The following PRH1 variants were observed in gnomAD, a reference collection of about 807,000 sequenced individuals.
The protein encoded by PRH1 is proline rich protein HaeIII subfamily 1.
In PRH1, 7 loss-of-function variants were observed where a neutral mutation model predicts 7.9. The observed-to-expected ratio is 0.89, with a 90% CI of 0.50 to 1.67. The LOEUF (loss-of-function observed/expected upper bound fraction) is 1.67, where lower values mean the gene tolerates loss of function less well. Ranked by LOEUF, PRH1 falls within the 40% of genes most tolerant of loss-of-function variation. The pLI, the probability that PRH1 is intolerant of heterozygous loss-of-function variation, is 0.00. For synonymous variants in PRH1, 45 were observed against 80.8 expected, an observed-to-expected ratio of 0.56 and a Z score of 2.38; for missense variants, 109 against 223.6, an observed-to-expected ratio of 0.49 and a Z score of 3.27.
At chr12:10,887,394 T>C (rs1949508080), upstream of PRH1, among the ~76,000 whole-genome samples, 1 of 152,194 alleles carries the variant, frequency 6.6e-6, no homozygotes. Context: ...GACTTCAACT[T>C]GCTTTGACTT....
exon 2 of PRH1, chr12:10,973,706 T>A: frequency 1.3e-6 from 1 of 780,184 alleles, no homozygotes; most frequent in South Asian, 1.3e-5. Flanking sequence ...GCAGGCAAAA[T>A]ATTCTTCTGC....
chr12:10,929,630 T>G (rs544818903), intron 2 of PRH1, among the ~76,000 whole-genome samples: 33 of 152,070 alleles, frequency 2.2e-4, no homozygotes, highest in Non-Finnish European at 4.0e-4. Context: ...GCAAGACAGA[T>G]TCAGGGAAGT....
At chr12:11,104,453 T>TGA (rs1945352049) in intron 1 of PRH1, among the ~76,000 whole-genome samples, 1 of 143,758 alleles carries the variant, frequency 7.0e-6, no homozygotes, top group African/African-American at 2.5e-5. Flanking sequence ...CTCTCACATC[T>TGA]GTATTATTAT....
chr12:11,113,911 C>T (rs1040993042), intron 1 of PRH1, among the ~76,000 whole-genome samples: 4 of 152,114 alleles, frequency 2.6e-5, no homozygotes, highest in Non-Finnish European at 5.9e-5. Flanking sequence ...AAGAAAGAAG[C>T]TCATCATCAC....
intron 1 of PRH1, among the ~76,000 whole-genome samples, chr12:11,099,398 A>G (rs1278960662): frequency 6.6e-6 from 1 of 152,184 alleles, no homozygotes; most frequent in East Asian, 1.9e-4. Flanking sequence ...GCCCATCTCA[A>G]ATCACCAGAG....
chr12:11,021,063 T>C (rs72475478), intron 1 of PRH1, among the ~76,000 whole-genome samples: 1 of 121,950 alleles, frequency 8.2e-6, no homozygotes, highest in East Asian at 2.9e-4. Context: ...TCTTTAGTAC[T>C]GTTTTGGTAT....
chr12:10,971,580 C>T (rs749894261), intron 2 of PRH1, among the ~76,000 whole-genome samples: 1 of 152,086 alleles, frequency 6.6e-6, no homozygotes, highest in Admixed American at 6.6e-5. Flanking sequence ...TGTGTGTATA[C>T]ATTTTCTGGT....
chr12:10,935,829 T>C (rs1372408094), intron 2 of PRH1, among the ~76,000 whole-genome samples: 1 of 152,168 alleles, frequency 6.6e-6, no homozygotes, highest in Non-Finnish European at 1.5e-5. Context: ...TCCTCGAATT[T>C]GGAGGGATCC....
chr12:11,112,173 C>T (rs1483872461), intron 1 of PRH1, among the ~76,000 whole-genome samples: 1 of 151,952 alleles, frequency 6.6e-6, no homozygotes, highest in Non-Finnish European at 1.5e-5. Context: ...AGCCTAGCAA[C>T]CAAAAAAAGT....
intron 1 of PRH1, among the ~76,000 whole-genome samples, chr12:11,007,382 G>T (rs1366314090): frequency 6.6e-6 from 1 of 152,058 alleles, no homozygotes; most frequent in Non-Finnish European, 1.5e-5. Flanking sequence ...TTTCCAGAAG[G>T]TCATCCAGGT....
chr12:11,053,312 G>A (rs892408262), intron 1 of PRH1, among the ~76,000 whole-genome samples: 1 of 152,152 alleles, frequency 6.6e-6, no homozygotes, highest in Non-Finnish European at 1.5e-5. Flanking sequence ...AAGATGTGGG[G>A]GAGAGCTTAC....
intron 2 of PRH1, among the ~76,000 whole-genome samples, chr12:10,916,448 C>T (rs1488981548): frequency 3.3e-5 from 5 of 151,846 alleles, no homozygotes; most frequent in Non-Finnish European, 7.4e-5. Context: ...AAAATTACAT[C>T]TTTTTTAATG....
At chr12:11,158,114 T>C (rs996005538) in intron 1 of PRH1, among the ~76,000 whole-genome samples, 7 of 152,220 alleles carry the variant, frequency 4.6e-5, no homozygotes, top group Non-Finnish European at 7.4e-5. Context: ...TGGTAAAAGT[T>C]ACCTCAAACA....
chr12:11,121,718 G>A (rs183288273), intron 1 of PRH1, among the ~76,000 whole-genome samples: 5 of 151,846 alleles, frequency 3.3e-5, no homozygotes, highest in Admixed American at 3.3e-4. Flanking sequence ...CTCTACGTAT[G>A]TTTGTCACTC....
chr12:10,931,305 C>G, intron 2 of PRH1: 3 of 960,328 alleles, frequency 3.1e-6, no homozygotes, highest in Non-Finnish European at 4.5e-6. Flanking sequence ...AATTACCTCT[C>G]TTAAATAGGG....
intron 1 of PRH1, among the ~76,000 whole-genome samples, chr12:11,142,065 T>A (rs1257605573): frequency 6.6e-6 from 1 of 152,132 alleles, no homozygotes; most frequent in African/African-American, 2.4e-5. Context: ...AGTGCTTGGA[T>A]ACAGGCATGA....
chr12:10,978,181 A>G (rs1939196508), intron 1 of PRH1, among the ~76,000 whole-genome samples: 1 of 152,212 alleles, frequency 6.6e-6, no homozygotes, highest in Non-Finnish European at 1.5e-5. Flanking sequence ...GCAAGGCAAC[A>G]GTAACCAAAG....
chr12:11,017,533 G>A (rs1009835286), intron 1 of PRH1, among the ~76,000 whole-genome samples: 3 of 152,014 alleles, frequency 2.0e-5, no homozygotes, highest in Non-Finnish European at 2.9e-5. Context: ...TGCCCAGGCC[G>A]GAATGCAGTG....
intron 1 of PRH1, among the ~76,000 whole-genome samples, chr12:11,155,290 A>G (rs995278763): frequency 1.1e-4 from 16 of 152,202 alleles, no homozygotes; most frequent in African/African-American, 1.9e-4. Context: ...CTCAAAAAAG[A>G]GAGGTGGAAA....
Sources: gnomAD v4.1 joint callset for allele counts (sites outside exome capture counted in the v4.1 genomes callset) on GRCh38, gnomAD v4.1.1 for gene constraint, MANE v1.5 for transcripts, NCBI Gene and HGNC (gene_info 2026-07-23, HGNC 2026-07-21) for gene names.